Variants in ATRNL1 observed in about 807,000 individuals in gnomAD.
ATRNL1 encodes attractin-like protein 1.
Under a neutral mutation model 182.7 loss-of-function variants are expected in ATRNL1, and 95 were observed. That is an observed-to-expected ratio of 0.52 (90% CI 0.44 to 0.62). ATRNL1 has a LOEUF of 0.62. Among genes scored for constraint, ATRNL1 ranks in the 20% least tolerant of loss-of-function variants. The probability of loss-of-function intolerance (pLI) is 0.00; values close to 1 mark genes in which losing one functional copy is unlikely to be tolerated. For missense variants in ATRNL1, 1,471 were observed against 1,679.5 expected, an observed-to-expected ratio of 0.88 and a Z score of 2.17; for synonymous variants, 576 against 568.3, an observed-to-expected ratio of 1.01 and a Z score of -0.19.
At chr10:115,442,289 CTCTCTCTCTCTCTCTG>C (rs1394730782) in intron 21 of ATRNL1, among the ~76,000 whole-genome samples, 2 of 125,742 alleles carry the variant, frequency 1.6e-5, no homozygotes, top group Non-Finnish European at 1.9e-5. Context: ...CTCTCTCTCT[CTCTCTCTCTCTCTCTG>C]TGTGTATGTG....
chr10:115,290,967 A>G (rs1852874045), intron 15 of ATRNL1, among the ~76,000 whole-genome samples: 1 of 152,176 alleles, frequency 6.6e-6, no homozygotes, highest in African/African-American at 2.4e-5. Context: ...GTTGACAAAG[A>G]AAAGGGAAGA....
intron 24 of ATRNL1, among the ~76,000 whole-genome samples, chr10:115,471,390 T>C (rs954377850): frequency 3.3e-5 from 5 of 150,904 alleles, no homozygotes; most frequent in African/African-American, 1.2e-4. Flanking sequence ...TCATTGGTAG[T>C]TTTATTTTTA....
intron 20 of ATRNL1, among the ~76,000 whole-genome samples, chr10:115,416,690 A>G (rs782362145): frequency 2.2e-4 from 33 of 152,210 alleles, no homozygotes; most frequent in Non-Finnish European, 1.0e-4. Context: ...AGAAAATAAA[A>G]TTTCAACCAT....
intron 26 of ATRNL1, among the ~76,000 whole-genome samples, chr10:115,550,097 A>G (rs1308288270): frequency 6.6e-6 from 1 of 151,868 alleles, no homozygotes; most frequent in African/African-American, 2.4e-5. Flanking sequence ...AAACAATAAT[A>G]TTCTTACAAA....
At chr10:115,135,966 C>T (rs1481190694) in intron 5 of ATRNL1, among the ~76,000 whole-genome samples, 1 of 151,966 alleles carries the variant, frequency 6.6e-6, no homozygotes, top group Non-Finnish European at 1.5e-5. Context: ...TGAAATGATC[C>T]TCCCAACTCA....
chr10:115,854,862 C>T (rs1385599805), intron 28 of ATRNL1, among the ~76,000 whole-genome samples: 1 of 152,176 alleles, frequency 6.6e-6, no homozygotes, highest in Admixed American at 6.5e-5. Flanking sequence ...TTATTCCCTC[C>T]ATGCTTTGTT....
At chr10:115,116,838 A>T (rs573646882) in intron 1 of ATRNL1, among the ~76,000 whole-genome samples, 3 of 152,150 alleles carry the variant, frequency 2.0e-5, no homozygotes, top group Admixed American at 2.0e-4. Context: ...TTTAGTGCTA[A>T]GGATAAGGAA....
chr10:115,189,135 T>C (rs1410651691), intron 8 of ATRNL1, among the ~76,000 whole-genome samples: 1 of 152,120 alleles, frequency 6.6e-6, no homozygotes, highest in Non-Finnish European at 1.5e-5. Flanking sequence ...ATGATGTAGC[T>C]GTCAAAATGT....
intron 20 of ATRNL1, among the ~76,000 whole-genome samples, chr10:115,398,663 T>C (rs1554956182): frequency 6.6e-6 from 1 of 152,130 alleles, no homozygotes; most frequent in African/African-American, 2.4e-5. Flanking sequence ...AGGGATAGTT[T>C]GACTTCCCTT....
intron 27 of ATRNL1, among the ~76,000 whole-genome samples, chr10:115,837,505 C>CCAGA: frequency 7.4e-6 from 1 of 134,944 alleles, no homozygotes; most frequent in Non-Finnish European, 1.5e-5. Flanking sequence ...CACACACACA[C>CCAGA]ACACACACAC....
At chr10:115,175,298 A>T (rs1186098755) in intron 8 of ATRNL1, among the ~76,000 whole-genome samples, 1 of 152,074 alleles carries the variant, frequency 6.6e-6, no homozygotes, top group Admixed American at 6.6e-5. Context: ...CTAGGAAAGT[A>T]CTATGGGTTT....
chr10:115,312,859 T>G (rs1221696670), intron 17 of ATRNL1, among the ~76,000 whole-genome samples: 1 of 152,114 alleles, frequency 6.6e-6, no homozygotes, highest in Non-Finnish European at 1.5e-5. Context: ...GCTTTGTCTA[T>G]GAGGTCTGAA....
chr10:115,407,516 ATG>A (rs1844890059), intron 20 of ATRNL1, among the ~76,000 whole-genome samples: 1 of 151,810 alleles, frequency 6.6e-6, no homozygotes, highest in Non-Finnish European at 1.5e-5. Flanking sequence ...ATTTCACTTC[ATG>A]TAATGTCTTC....
intron 2 of ATRNL1, among the ~76,000 whole-genome samples, chr10:115,121,029 C>T (rs1032370851): frequency 2.6e-5 from 4 of 152,044 alleles, no homozygotes; most frequent in African/African-American, 7.2e-5. Flanking sequence ...TTGTATACAA[C>T]AAAATGCACC....
chr10:115,569,660 G>A (rs1854275365), intron 26 of ATRNL1, among the ~76,000 whole-genome samples: 2 of 151,974 alleles, frequency 1.3e-5, no homozygotes, highest in African/African-American at 4.8e-5. Flanking sequence ...CAATTAGATT[G>A]TTAATCTTTT....
At chr10:115,902,197 C>T (rs59369447) in intron 28 of ATRNL1, among the ~76,000 whole-genome samples, 2,361 of 152,142 alleles carry the variant, frequency 0.016, 48 homozygotes, top group African/African-American at 0.049. Context: ...TTAAAAGGCG[C>T]CTTGTGCTTT....
intron 27 of ATRNL1, among the ~76,000 whole-genome samples, chr10:115,832,591 A>G (rs1316636932): frequency 1.3e-5 from 2 of 152,158 alleles, no homozygotes; most frequent in Non-Finnish European, 2.9e-5. Flanking sequence ...TAGTATGGAA[A>G]GTGGGGAAGA....
intron 9 of ATRNL1, among the ~76,000 whole-genome samples, chr10:115,232,726 A>T (rs1321819466): frequency 6.6e-6 from 1 of 151,932 alleles, no homozygotes; most frequent in Non-Finnish European, 1.5e-5. Context: ...CACAACCAGA[A>T]CTATAAATAG....
intron 27 of ATRNL1, among the ~76,000 whole-genome samples, chr10:115,794,478 C>A (rs1555082438): frequency 6.6e-6 from 1 of 152,126 alleles, no homozygotes; most frequent in South Asian, 2.1e-4. Context: ...TAGAATCATG[C>A]GTTGCATTTA....
Sources: allele counts gnomAD v4.1 joint callset (sites outside exome capture counted in the v4.1 genomes callset), GRCh38; gene constraint gnomAD v4.1.1; transcripts MANE v1.5; gene names NCBI Gene and HGNC (gene_info 2026-07-23, HGNC 2026-07-21).